Variants in ABCC12 observed in about 807,000 individuals in gnomAD.
ABCC12 encodes the protein ATP-binding cassette sub-family C member 12.
Under a neutral mutation model 151.1 loss-of-function variants are expected in ABCC12, and 142 were observed. The observed-to-expected ratio is 0.94, with a 90% CI of 0.82 to 1.08. The LOEUF (loss-of-function observed/expected upper bound fraction) is 1.08. Among genes scored for constraint, ABCC12 ranks in the 50% least tolerant of loss-of-function variants. The pLI is 0.00. For missense variants in ABCC12, 1,638 were observed against 1,691.1 expected (o/e 0.97, Z 0.55); for synonymous variants, 645 against 646.4 (o/e 1.00, Z 0.03).
At chr16:48,148,536 T>C (rs74398121) in intron 2 of ABCC12, among the ~76,000 whole-genome samples, 4,901 of 152,200 alleles carry the variant, frequency 0.032, 251 homozygotes, top group African/African-American at 0.11. Flanking sequence ...CTGTGCCCAG[T>C]GCAGTTAATG....
At chr16:48,110,288 T>C (rs1395746486) in intron 18 of ABCC12, among the ~76,000 whole-genome samples, 2 of 152,194 alleles carry the variant, frequency 1.3e-5, no homozygotes, top group Non-Finnish European at 2.9e-5. Flanking sequence ...CATTTGCTAG[T>C]ATGTCATATC....
rs1964918139 is a variant in ABCC12, at chr16:48,144,064, AC to A, written c.120del (p.Arg40SerfsTer2). Reference protein sequence around the residue: ...KTMIPVRPCARLAPNPVDDAG... With the variant: ...KTMIPVRPCAXLAPNPVDDAG... ...GCATCATCCACCGGGTTGGGTGCTA[AC>A]CTGCAGACAAACAAGACACTCAGCG... On this transcript the variant is annotated frameshift_variant and splice_region_variant, in exon 4 of 31. Coordinates refer to ENST00000311303, the MANE Select transcript of ABCC12 (RefSeq NM_001393797.1). LOFTEE classifies it high-confidence loss of function. The A allele has an allele frequency of 6.2e-7, 1 of 1,612,198 alleles. No homozygotes were observed. Among genetic ancestry groups the A allele is most frequent in the African/African-American group, 1.3e-5 (1 of 75,010 alleles).
Position 48,128,644 on chromosome 16 carries a change from C to T in ABCC12, c.1330G>A (p.Glu444Lys), listed in dbSNP as rs1964319447. Residue 444 changes from glutamate (E) to lysine (K), a missense_variant, in exon 11 of 31, where the codon GAG becomes AAG. Coordinates refer to ENST00000311303, the MANE Select transcript of ABCC12 (RefSeq NM_001393797.1). ...GTACTTTTCCTGCTGGCTTCATGCT[C>T]CCATGTCAAGGTGGCATTTGCTAAA... ...LLLANATLTW[E>K]HEASRKSTPK... 4.3e-6 allele frequency: 7 copies of T among 1,614,076 alleles called. No homozygotes were observed. In the East Asian group the frequency reaches 1.6e-4, roughly 36 times the overall value.
At chr16:48,142,505 C>T (rs1234892071) in intron 4 of ABCC12, among the ~76,000 whole-genome samples, 1 of 152,192 alleles carries the variant, frequency 6.6e-6, no homozygotes, top group Non-Finnish European at 1.5e-5. Flanking sequence ...AGAGGTGGTC[C>T]AGTGCCTTGC....
At position 48,087,933 on chromosome 16, in the gene ABCC12, T is replaced by G; in HGVS notation, c.3628A>C (p.Thr1210Pro). The change falls in exon 27 of 31, where the codon ACA (threonine) becomes CCA (proline). Residue 1210 changes from threonine (T) to proline (P), a missense_variant. Transcript: ENST00000311303. ...ATGATTAAAAACAGCTACCTTACTGTACCTACAAACAGGACAGGATCCTGT... is the reference window on the plus strand; with the variant it reads ...ATGATTAAAAACAGCTACCTTACTGGACCTACAAACAGGACAGGATCCTGT... ...IPQDPVLFVG[T>P]VRYNLDPFES... 1 of 1,612,296 alleles carries G rather than the reference T, an allele frequency of 6.2e-7. No homozygotes were observed.
At chr16:48,143,302 T>C (rs1362851716) in intron 4 of ABCC12, among the ~76,000 whole-genome samples, 1 of 152,130 alleles carries the variant, frequency 6.6e-6, no homozygotes, top group East Asian at 1.9e-4. Context: ...CCTCAGGCCA[T>C]AGCTCTTCAA....
intron 12 of ABCC12, among the ~76,000 whole-genome samples, chr16:48,122,449 G>C (rs1343096414): frequency 6.6e-6 from 1 of 152,162 alleles, no homozygotes; most frequent in Non-Finnish European, 1.5e-5. Context: ...ACTATGCATG[G>C]GCTCCAGTTT....
At position 48,080,985 on chromosome 16, in the gene ABCC12, C is replaced by G. The variant is rs528987544; in HGVS notation, c.*2730G>C. ...GTGTTGAGTGAGGGCCCATTCCTCA[C>G]AGATGATGCCTTCTATGTGTCCTCA... On this transcript the variant is annotated 3_prime_UTR_variant, in exon 31 of 31. Coordinates refer to ENST00000311303, the MANE Select transcript of ABCC12 (RefSeq NM_001393797.1). 6.6e-6 allele frequency among the ~76,000 whole-genome samples: 1 copy of G among 152,178 alleles called. No homozygotes were observed. Among genetic ancestry groups the G allele is most frequent in the African/African-American group, 2.4e-5 (1 of 41,446 alleles).
chr16:48,155,727 CCA>C (rs138032131), intron 1 of ABCC12, 112 bp downstream of exon 1: 8 of 151,558 alleles, frequency 5.3e-5, no homozygotes, highest in Non-Finnish European at 7.4e-5. Context: ...AAACCCCCCA[CCA>C]CACACACACA....
rs1162501220 is a variant in ABCC12 at position 48,110,196 on chromosome 16, T to C, written c.2281+1240A>G. Among the ~76,000 whole-genome samples, 4 of 152,326 alleles carry C rather than the reference T, an allele frequency of 2.6e-5. No individual in the cohort carries two copies. The East Asian group carries it at 7.7e-4, about 29-fold the overall frequency. On this transcript the variant is annotated intron_variant, in intron 18 of 30. Coordinates refer to ENST00000311303, the MANE Select transcript of ABCC12 (RefSeq NM_001393797.1). ...GTGCGTGCATTTGTCACAAGCACCA[T>C]TGAGGATGCCAGATCTCATCGATTC... is the stretch of plus-strand genomic sequence containing the variant.
intron 4 of ABCC12, 122 bp downstream of exon 4, chr16:48,143,788 C>A (rs1424201761): frequency 7.8e-7 from 1 of 1,289,050 alleles, no homozygotes; most frequent in Non-Finnish European, 1.0e-6. Context: ...TGAGGCCTCC[C>A]CAGTCACATG....
In ABCC12 at chr16:48,104,329, T is replaced by C; in HGVS notation, c.2713A>G (p.Thr905Ala). ...GAAAAACGGTTCATTAGCCTGCCAG[T>C]GGGAGTCGTGTCAAAGAAACTCATT... ...SPMSFFDTTP[T>A]GRLMNRFSKD... Residue 905 changes from threonine (T) to alanine (A), a missense_variant, in exon 22 of 31, where the codon ACT (threonine) becomes GCT (alanine). Transcript: ENST00000311303. 2 of 1,614,162 alleles carry C rather than the reference T, an allele frequency of 1.2e-6. No individual in the cohort carries two copies. The highest frequency in any genetic ancestry group is 1.1e-5 in the South Asian group (1 of 91,076).
chr16:48,104,017 A>T, intron 22 of ABCC12, 125 bp downstream of exon 22: 1 of 1,010,458 alleles, frequency 9.9e-7, no homozygotes, highest in Non-Finnish European at 1.4e-6. Context: ...GGCATTTACT[A>T]AGTACAAAAA....
chr16:48,103,157 C>A (rs968414577), intron 22 of ABCC12, among the ~76,000 whole-genome samples: 20 of 152,180 alleles, frequency 1.3e-4, no homozygotes, highest in African/African-American at 4.6e-4. Context: ...GGTTTGTGGG[C>A]TGAATATTTT....
chr16:48,143,856 C>G (rs749482284), intron 4 of ABCC12, 54 bp downstream of exon 4: 2 of 1,568,500 alleles, frequency 1.3e-6, no homozygotes, highest in Non-Finnish European at 8.7e-7. Flanking sequence ...TCAGGTATTT[C>G]CTCATAGCAG....
Position 48,138,236 on chromosome 16 carries a change from G to C in ABCC12, c.971C>G (p.Thr324Ser). Residue 324 changes from threonine (T) to serine (S), a missense_variant, in exon 8 of 31, where the codon ACT (threonine) becomes AGT (serine). By Grantham distance (58) the Thr-to-Ser change is moderately conservative (BLOSUM62 1). Coordinates refer to ENST00000311303, the MANE Select transcript of ABCC12 (RefSeq NM_001393797.1). The stretch of plus-strand genomic sequence containing the variant: ...AGCTACTCTTGTCCTACCTTGGATA[G>C]TGTTGGTAAAAGATTTCTCCCAGGC... ...MYAWEKSFTN[T>S]IQDIRRRERK... The C allele has an allele frequency of 6.2e-7, 1 of 1,609,044 alleles. No individual in the cohort carries two copies. The highest frequency in any genetic ancestry group is 8.5e-7 in the Non-Finnish European group (1 of 1,176,026).
At chr16:48,138,103 C>A in intron 8 of ABCC12, 125 bp downstream of exon 8, 3 of 1,029,948 alleles carry the variant, frequency 2.9e-6, no homozygotes, top group South Asian at 2.5e-5. Flanking sequence ...CTTTGACCTG[C>A]AGAGCAGCTC....
chr16:48,088,085 C>T lies in ABCC12; in HGVS notation c.3476G>A (p.Gly1159Glu). The part of the protein sequence containing the change: ...TVGIVGRTGS[G>E]KSSLGMALFR... ...CAAAGCCATTCCTAACGATGACTTT[C>T]CTGGGAACCATAAAAGTAAGAACAA... The change falls in exon 27 of 31, where the codon GGA (glycine) becomes GAA (glutamate). Residue 1159 changes from glycine to glutamate, a missense_variant and splice_region_variant. Gly to Glu is a moderately conservative substitution (Grantham distance 98). Transcript: ENST00000311303. 6.2e-7 allele frequency: 1 copy of T among 1,613,266 alleles called. No individual in the cohort carries two copies. Among genetic ancestry groups the T allele is most frequent in the Non-Finnish European group, 8.5e-7 (1 of 1,179,520 alleles).
chr16:48,083,801 C>T lies in ABCC12; in HGVS notation c.3994G>A (p.Val1332Met), dbSNP rs377501719. The change falls in exon 31 of 31, where the codon GTG becomes ATG. Residue 1332 changes from valine (V) to methionine (M), a missense_variant and splice_region_variant. By Grantham distance (21) the Val-to-Met change is conservative. Coordinates refer to ENST00000311303, the MANE Select transcript of ABCC12 (RefSeq NM_001393797.1). ...ACTTCAGGCTTGTCAAACTCAATCACCTGAAAGTCAGAGAAGAAGAACTGA... is the reference window on the plus strand; with the variant it reads ...ACTTCAGGCTTGTCAAACTCAATCATCTGAAAGTCAGAGAAGAAGAACTGA... ...DHVLVMENGK[V>M]IEFDKPEVLA... 2.5e-6 allele frequency: 4 copies of T among 1,614,066 alleles called. No homozygotes were observed. In the African/African-American group the frequency reaches 4.0e-5, roughly 16 times the overall value.
Sources: gnomAD v4.1 joint callset for allele counts (sites outside exome capture counted in the v4.1 genomes callset) on GRCh38, gnomAD v4.1.1 for gene constraint, MANE v1.5 for transcripts, NCBI Gene and HGNC (gene_info 2026-07-23, HGNC 2026-07-21) for gene names.